The following CAPN6 variants were observed in gnomAD, a reference collection of about 807,000 sequenced individuals.
CAPN6 encodes the protein calpain 6.
A neutral mutation model predicts 46.0 loss-of-function variants in CAPN6; 16 were observed. That is an observed-to-expected ratio of 0.35 (90% CI 0.24 to 0.53). The LOEUF (loss-of-function observed/expected upper bound fraction) is 0.53, where lower values mean the gene tolerates loss of function less well. Ranked by LOEUF, CAPN6 falls within the 20% of genes least tolerant of loss-of-function variation. CAPN6 has a pLI of 0.94. For missense variants in CAPN6, 461 were observed against 498.0 expected (o/e 0.93, Z 0.71); for synonymous variants, 206 against 172.8 (o/e 1.19, Z -1.51).
chrX:111,259,548 A>G (rs2147536267), intron 2 of CAPN6, among the ~76,000 whole-genome samples: 1 of 111,343 alleles, frequency 9.0e-6, no homozygotes, highest in African/African-American at 3.3e-5. Context: ...CATTCCTACT[A>G]CCATAATTTT....
At chrX:111,260,197 G>A in intron 2 of CAPN6, among the ~76,000 whole-genome samples, 1 of 109,749 alleles carries the variant, frequency 9.1e-6, no homozygotes, top group Middle Eastern at 4.3e-3. Context: ...ATCTGAAGAG[G>A]CTCCTTAAAA....
In CAPN6 at chrX:111,251,724, G is replaced by T. The variant is rs1353898619; in HGVS notation, c.718C>A (p.Gln240Lys). 4.2e-6 allele frequency: 5 copies of T among 1,204,363 alleles called. No homozygotes were observed. The highest frequency in any genetic ancestry group is 5.6e-6 in the Non-Finnish European group (5 of 891,102). The change falls in exon 6 of 13, where the codon CAA becomes AAA. Residue 240 changes from glutamine to lysine, a missense_variant. Transcript: ENST00000324068. ...AGACCCCAATCAGTTTCAACTTCTTGCTCCTCCTGATTGGGAGACTGAGAG... is the reference window on the plus strand; with the variant it reads ...AGACCCCAATCAGTTTCAACTTCTTTCTCCTCCTGATTGGGAGACTGAGAG... ...CSIESPNQEE[Q>K]EVETDWGLLK... is the part of the protein sequence containing the mutation.
intron 12 of CAPN6, among the ~76,000 whole-genome samples, 185 bp from the exon 13 acceptor site, chrX:111,246,944 A>C (rs1046284117): frequency 2.7e-5 from 3 of 112,202 alleles, no homozygotes; most frequent in Non-Finnish European, 5.6e-5. Flanking sequence ...ATGAAAAGCC[A>C]GAAAACAGAA....
chrX:111,256,134 C>T (rs913579837), intron 2 of CAPN6, among the ~76,000 whole-genome samples: 4 of 111,633 alleles, frequency 3.6e-5, no homozygotes, highest in African/African-American at 1.3e-4. Context: ...TGTGGTGGCT[C>T]TCGCCTGTAA....
intron 1 of CAPN6, among the ~76,000 whole-genome samples, chrX:111,269,739 C>A (rs2094994608): frequency 9.0e-6 from 1 of 111,594 alleles, no homozygotes; most frequent in Non-Finnish European, 1.9e-5. Flanking sequence ...CAAAGCCAGG[C>A]CAGAGGCTGA....
At chrX:111,254,967 A>T (rs779181825) in intron 2 of CAPN6, among the ~76,000 whole-genome samples, 2 of 111,831 alleles carry the variant, frequency 1.8e-5, no homozygotes, top group Non-Finnish European at 3.8e-5. Context: ...ATTTTTCTAC[A>T]TTTGTGGATG....
intron 2 of CAPN6, among the ~76,000 whole-genome samples, chrX:111,262,839 T>C (rs1033451716): frequency 3.6e-5 from 4 of 112,087 alleles, no homozygotes; most frequent in African/African-American, 1.3e-4. Flanking sequence ...ACAACAACTA[T>C]TAATAGTTAC....
chrX:111,250,214 A>C (rs780782140), intron 8 of CAPN6, among the ~76,000 whole-genome samples: 1 of 111,861 alleles, frequency 8.9e-6, no homozygotes, highest in Non-Finnish European at 1.9e-5. Context: ...ATGGGCAGTG[A>C]GGCAGCAATA....
chrX:111,261,474 G>A (rs1248646552), intron 2 of CAPN6, among the ~76,000 whole-genome samples: 1 of 112,149 alleles, frequency 8.9e-6, no homozygotes, highest in Non-Finnish European at 1.9e-5. Flanking sequence ...CCCATAGTAC[G>A]CATGTCATGA....
chrX:111,263,736 G>A, intron 2 of CAPN6, 36 bp downstream of exon 2: 1 of 1,147,700 alleles, frequency 8.7e-7, no homozygotes. Flanking sequence ...TGATGAAGGA[G>A]GTCAAGGAGA....
rs189141515 is a variant in CAPN6, at chrX:111,269,829, G to A, written c.-16+542C>T. 2.7e-3 allele frequency among the ~76,000 whole-genome samples: 305 copies of A among 112,111 alleles called. 3 individuals are homozygous for A. Among genetic ancestry groups the A allele is most frequent in the African/African-American group, 9.5e-3 (293 of 30,875 alleles). ...CAGACAGGGAGTTAAGATAGACTTGGCCACCACTTCCTCCTGTACAACACT... is the reference window on the plus strand; with the variant it reads ...CAGACAGGGAGTTAAGATAGACTTGACCACCACTTCCTCCTGTACAACACT... On this transcript the variant is annotated intron_variant, in intron 1 of 12. Coordinates refer to ENST00000324068, the MANE Select transcript of CAPN6 (RefSeq NM_014289.4).
At chrX:111,261,111 G>A (rs757199567) in intron 2 of CAPN6, among the ~76,000 whole-genome samples, 1 of 112,487 alleles carries the variant, frequency 8.9e-6, no homozygotes, top group Non-Finnish European at 1.9e-5. Flanking sequence ...TATGAGAACT[G>A]ACTGGAGGGA....
At chrX:111,262,078 T>A (rs935858477) in intron 2 of CAPN6, among the ~76,000 whole-genome samples, 30 of 110,864 alleles carry the variant, frequency 2.7e-4, no homozygotes, top group Admixed American at 2.6e-3. Context: ...TATCTCTATT[T>A]TTCTCCATGT....
chrX:111,253,073 C>A lies in CAPN6; in HGVS notation c.441G>T (p.Leu147=). 1 of 1,210,953 alleles carries A rather than the reference C, an allele frequency of 8.3e-7. No individual in the cohort carries two copies. The highest frequency in any genetic ancestry group is 1.8e-5 in the South Asian group (1 of 56,986). ...DDLLPTINGD[L]VFSFSTSMNE... Reference sequence around the variant, plus strand: ...TCATGGAAGTGGAGAAAGAGAAGACCAGATCTCCGTTAATGGTGGGCAACA... The same window carrying A: ...TCATGGAAGTGGAGAAAGAGAAGACAAGATCTCCGTTAATGGTGGGCAACA... Residue 147 remains leucine, a synonymous_variant, in exon 4 of 13, where the codon CTG becomes CTT. Transcript: ENST00000324068.
intron 2 of CAPN6, among the ~76,000 whole-genome samples, chrX:111,257,516 G>T (rs183327036): frequency 2.7e-5 from 3 of 112,212 alleles, no homozygotes; most frequent in African/African-American, 9.7e-5. Context: ...AGACTAGAAA[G>T]TAGCCAAGGA....
intron 5 of CAPN6, 38 bp downstream of exon 5, chrX:111,252,269 G>A: frequency 9.5e-7 from 1 of 1,048,970 alleles, no homozygotes; most frequent in Non-Finnish European, 1.3e-6. Flanking sequence ...CTTCTGCCAG[G>A]AATGAGTATA....
intron 1 of CAPN6, among the ~76,000 whole-genome samples, chrX:111,269,445 A>G (rs1285725225): frequency 1.8e-5 from 2 of 112,730 alleles, no homozygotes; most frequent in African/African-American, 3.2e-5. Context: ...CAATACACCA[A>G]TAATACAAAC....
At chrX:111,257,661 G>A (rs1030484511) in intron 2 of CAPN6, among the ~76,000 whole-genome samples, 3 of 112,087 alleles carry the variant, frequency 2.7e-5, no homozygotes, top group African/African-American at 9.7e-5. Context: ...ATATCTTCCT[G>A]TTGGGGTTAA....
Position 111,246,727 on chromosome X carries a change from G to A in CAPN6, c.1776C>T (p.Phe592=), listed in dbSNP as rs775337373. The A allele has an allele frequency of 8.3e-7, 1 of 1,210,103 alleles. No homozygotes were observed. Among genetic ancestry groups the A allele is most frequent in the Non-Finnish European group, 1.1e-6 (1 of 895,059 alleles). Residue 592 remains phenylalanine, a synonymous_variant, in exon 13 of 13, where the codon TTC becomes TTT. Coordinates refer to ENST00000324068, the MANE Select transcript of CAPN6 (RefSeq NM_014289.4). ...CAGCATCCAGAGTAACCTGCCCCAA[G>A]AACTGATCACAGAATTTTCGGCTGT... ...VWNSRKFCDQ[F]LGQVTLDADP...
Sources: gnomAD v4.1 joint callset for allele counts (sites outside exome capture counted in the v4.1 genomes callset) on GRCh38, gnomAD v4.1.1 for gene constraint, MANE v1.5 for transcripts, NCBI Gene and HGNC (gene_info 2026-07-23, HGNC 2026-07-21) for gene names.